The following G3BP2 variants were observed in gnomAD, a reference collection of about 807,000 sequenced individuals.
G3BP2 encodes the protein ras GTPase-activating protein-binding protein 2.
Under a neutral mutation model 56.7 loss-of-function variants are expected in G3BP2, and 11 were observed. The observed-to-expected ratio is 0.19, with a 90% CI of 0.12 to 0.32. The LOEUF (loss-of-function observed/expected upper bound fraction) is 0.32, where lower values mean the gene tolerates loss of function less well. Among genes scored for constraint, G3BP2 ranks in the 10% least tolerant of loss-of-function variants. The probability of loss-of-function intolerance (pLI) is 1.00; values close to 1 mark genes in which losing one functional copy is unlikely to be tolerated. For synonymous variants in G3BP2, 165 were observed against 191.6 expected (o/e 0.86, Z 1.15); for missense variants, 340 against 610.9 (o/e 0.56, Z 4.67).
At chr4:75,704,302 C>G (rs902457615) in intron 3 of G3BP2, among the ~76,000 whole-genome samples, 1 of 151,984 alleles carries the variant, frequency 6.6e-6, no homozygotes, top group Non-Finnish European at 1.5e-5. Flanking sequence ...CAGGCGTGAG[C>G]CCCCGCCGGA....
At chr4:75,673,035 T>C in intron 1 of G3BP2, 173 bp downstream of exon 1, 1 of 991,754 alleles carries the variant, frequency 1.0e-6, no homozygotes, top group Non-Finnish European at 1.2e-6. Context: ...GAAAGACTGG[T>C]CTTCTCTCAC....
chr4:75,653,853 T>C, intron 8 of G3BP2, 130 bp downstream of exon 8: 7 of 569,454 alleles, frequency 1.2e-5, no homozygotes, highest in Non-Finnish European at 1.9e-5. Context: ...GTGGGTGCAC[T>C]GACATATAAT....
At position 75,706,299 on chromosome 4, in the gene G3BP2, T is replaced by C. The variant is rs564474094; in HGVS notation, c.-25+14578A>G. On this transcript the variant is annotated intron_variant, in intron 3 of 3. Transcript: ENST00000499709. Reference sequence around the variant, plus strand: ...CTCACTATGTTGACCAGGCTGTCTTTAAGTCCTGGCCTCAAGTGATCCTCC... The same window carrying C: ...CTCACTATGTTGACCAGGCTGTCTTCAAGTCCTGGCCTCAAGTGATCCTCC... 2.0e-5 allele frequency among the ~76,000 whole-genome samples: 3 copies of C among 152,276 alleles called. No individual in the cohort carries two copies. The South Asian group carries it at 6.2e-4, about 32-fold the overall frequency.
At chr4:75,658,970 C>G (rs190262153) in intron 2 of G3BP2, 46 bp from the exon 3 acceptor site, 3 of 1,401,298 alleles carry the variant, frequency 2.1e-6, no homozygotes, top group Non-Finnish European at 1.0e-6. Context: ...TCAAGAGAAG[C>G]CTAAGAAGCA....
chr4:75,655,046 A>G lies in G3BP2; in HGVS notation c.726+20T>C, dbSNP rs1731983881. Reference sequence around the variant, plus strand: ...TTTGAACATGTGATGTTGTAAGTCTAAAGAGTTCTTTGATCTAACCTTTGG... The same window carrying G: ...TTTGAACATGTGATGTTGTAAGTCTGAAGAGTTCTTTGATCTAACCTTTGG... On this transcript the variant is annotated intron_variant, in intron 7 of 11. Transcript: ENST00000359707. 1.3e-6 allele frequency: 2 copies of G among 1,568,160 alleles called. No individual in the cohort carries two copies. Among genetic ancestry groups the G allele is most frequent in the South Asian group, 2.3e-5 (2 of 86,926 alleles).
chr4:75,666,542 T>C (rs954476720), intron 1 of G3BP2, among the ~76,000 whole-genome samples: 1 of 152,156 alleles, frequency 6.6e-6, no homozygotes, highest in East Asian at 1.9e-4. Context: ...AGCCAAAATA[T>C]AATTGATAGA....
chr4:75,699,977 A>C (rs1719275194), intron 3 of G3BP2, among the ~76,000 whole-genome samples: 1 of 152,224 alleles, frequency 6.6e-6, no homozygotes, highest in South Asian at 2.1e-4. Context: ...GCAAATGTAG[A>C]AAAGTAATCT....
At position 75,684,221 on chromosome 4, in the gene G3BP2, T is replaced by A. The variant is rs572429508; in HGVS notation, c.-24-22172A>T. On this transcript the variant is annotated intron_variant, in intron 3 of 3. Transcript: ENST00000499709. ...GCGTTTGAGACCAGCCTGGCCAATATGGTGAAACCCATCTCTACTAAAAAT... is the reference window on the plus strand; with the variant it reads ...GCGTTTGAGACCAGCCTGGCCAATAAGGTGAAACCCATCTCTACTAAAAAT... 2.5e-4 allele frequency among the ~76,000 whole-genome samples: 38 copies of A among 152,140 alleles called. No individual in the cohort carries two copies. In the East Asian group the frequency reaches 7.4e-3, roughly 29 times the overall value.
At chr4:75,673,136 C>T in intron 1 of G3BP2, 72 bp downstream of exon 1, 1 of 1,113,332 alleles carries the variant, frequency 9.0e-7, no homozygotes, top group African/African-American at 1.6e-5. Flanking sequence ...GATTGCCTCG[C>T]GCCGCGGAGC....
chr4:75,701,603 T>C (rs1719347504), intron 3 of G3BP2, among the ~76,000 whole-genome samples: 1 of 152,116 alleles, frequency 6.6e-6, no homozygotes, highest in East Asian at 1.9e-4. Flanking sequence ...TAATTTTGTA[T>C]TTTTAGTAGG....
chr4:75,658,096 T>C (rs1390775973), intron 3 of G3BP2, among the ~76,000 whole-genome samples: 3 of 152,198 alleles, frequency 2.0e-5, no homozygotes, highest in African/African-American at 7.2e-5. Context: ...AGGCCAAATC[T>C]TGTGGTCTCA....
chr4:75,657,209 A>C (rs992555728), intron 4 of G3BP2, among the ~76,000 whole-genome samples, 195 bp from the exon 5 acceptor site: 1 of 152,246 alleles, frequency 6.6e-6, no homozygotes, highest in Non-Finnish European at 1.5e-5. Context: ...CAAAACTCGC[A>C]ATTACTTTTG....
chr4:75,663,230 G>C (rs1481415568), intron 1 of G3BP2, among the ~76,000 whole-genome samples: 2 of 152,226 alleles, frequency 1.3e-5, no homozygotes, highest in East Asian at 1.9e-4. Flanking sequence ...AAACCAACAA[G>C]AACAACTAAC....
At chr4:75,662,127 G>T in intron 1 of G3BP2, 78 bp from the exon 2 acceptor site, 1 of 811,284 alleles carries the variant, frequency 1.2e-6, no homozygotes, top group Non-Finnish European at 2.0e-6. Flanking sequence ...TTTCTTTTTA[G>T]CCAAATTTAG....
At chr4:75,661,177 G>A (rs1732521491) in intron 2 of G3BP2, among the ~76,000 whole-genome samples, 1 of 152,186 alleles carries the variant, frequency 6.6e-6, no homozygotes, top group Admixed American at 6.5e-5. Context: ...CACCCAGGCT[G>A]GAGTGCAGTG....
chr4:75,696,343 T>C (rs1264690032), intron 3 of G3BP2, among the ~76,000 whole-genome samples: 1 of 152,178 alleles, frequency 6.6e-6, no homozygotes, highest in Non-Finnish European at 1.5e-5. Flanking sequence ...GCTGCCCGTT[T>C]TTATGTCTGG....
chr4:75,682,038 C>T (rs1734096441), intron 3 of G3BP2, among the ~76,000 whole-genome samples: 1 of 151,994 alleles, frequency 6.6e-6, no homozygotes, highest in South Asian at 2.1e-4. Context: ...ATACACTGGA[C>T]AAGAATGATT....
At chr4:75,688,512 A>T (rs1718717596) in intron 3 of G3BP2, among the ~76,000 whole-genome samples, 1 of 152,186 alleles carries the variant, frequency 6.6e-6, no homozygotes, top group Admixed American at 6.6e-5. Flanking sequence ...TCGATCAAAG[A>T]TATCAATCTC....
chr4:75,682,044 T>C (rs57680339), intron 3 of G3BP2, among the ~76,000 whole-genome samples: 35,888 of 151,942 alleles, frequency 0.24, 4,471 homozygotes, highest in Middle Eastern at 0.36. Context: ...TGGACAAGAA[T>C]GATTAACATC....
Sources: gnomAD v4.1 joint callset for allele counts (sites outside exome capture counted in the v4.1 genomes callset) on GRCh38, gnomAD v4.1.1 for gene constraint, MANE v1.5 for transcripts, NCBI Gene and HGNC (gene_info 2026-07-23, HGNC 2026-07-21) for gene names.